GOLIM4: variants seen among roughly 807,000 people sequenced by gnomAD.
The protein encoded by GOLIM4 is 130 kDa golgi-localized phosphoprotein.
GOLIM4 carries 71 observed loss-of-function variants against 107.4 expected under a neutral mutation model. The observed-to-expected ratio is 0.66, with a 90% CI of 0.55 to 0.81. The LOEUF (loss-of-function observed/expected upper bound fraction) is 0.81, where lower values mean the gene tolerates loss of function less well. Among genes scored for constraint, GOLIM4 ranks in the 30% least tolerant of loss-of-function variants. The pLI is 0.00. For synonymous variants in GOLIM4, 327 were observed against 294.8 expected (o/e 1.11, Z -1.12); for missense variants, 830 against 826.1 (o/e 1.00, Z -0.06).
intron 1 of GOLIM4, among the ~76,000 whole-genome samples, chr3:168,061,145 CA>C (rs530702459): frequency 0.042 from 5,366 of 126,498 alleles, 146 homozygotes; most frequent in African/African-American, 0.086. Context: ...TTTAGAGAAG[CA>C]AAAAAAAAAA....
At chr3:168,044,182 G>A (rs540570655) in intron 4 of GOLIM4, among the ~76,000 whole-genome samples, 5 of 152,296 alleles carry the variant, frequency 3.3e-5, no homozygotes, top group African/African-American at 1.2e-4. Context: ...AATAAAAAGT[G>A]CATGCCCTAC....
chr3:168,013,626 C>T lies in GOLIM4; in HGVS notation c.1861-2803G>A, dbSNP rs527844767. Among the ~76,000 whole-genome samples the T allele has an allele frequency of 2.0e-4, 30 of 149,072 alleles. No individual in the cohort carries two copies. In the South Asian group the frequency reaches 5.2e-3, roughly 26 times the overall value. On this transcript the variant is annotated intron_variant, in intron 14 of 15. Coordinates refer to ENST00000470487, the MANE Select transcript of GOLIM4 (RefSeq NM_014498.5). The stretch of plus-strand genomic sequence containing the variant: ...CACACCACACCTATTCCAAAATTGA[C>T]CACATACTGGGAAGTAAAGCTCTCC...
chr3:168,009,426 C>CAGACAAAAAAAAAAA lies in GOLIM4; in HGVS notation c.*842_*843insTTTTTTTTTTTGTCT, dbSNP rs201375757. ...AAACAAGAATATCAATCAATGGCTT[C>CAGACAAAAAAAAAAA]AAACAAAAAAAAAAAAAAAAAATTG... On this transcript the variant is annotated 3_prime_UTR_variant, in exon 16 of 16. Transcript: ENST00000470487. 4 of 8,740 alleles carry CAGACAAAAAAAAAAA rather than the reference C, an allele frequency of 4.6e-4. No individual in the cohort carries two copies. The highest frequency in any genetic ancestry group is 6.1e-4 in the African/African-American group (4 of 6,564). The allele number at this position is 8,740 out of a possible 1,614,324, so 0.5% of individuals were successfully genotyped here. A position where few individuals can be genotyped will look rare whatever the true frequency, so the allele number is the denominator to read the frequency against.
chr3:168,018,730 A>C (rs768292226), intron 14 of GOLIM4, among the ~76,000 whole-genome samples: 8 of 152,180 alleles, frequency 5.3e-5, no homozygotes, highest in Non-Finnish European at 8.8e-5. Flanking sequence ...AAATTGCTGA[A>C]GTGTCCCTGT....
intron 9 of GOLIM4, among the ~76,000 whole-genome samples, chr3:168,031,629 G>T (rs1417526615): frequency 6.6e-6 from 1 of 152,166 alleles, no homozygotes; most frequent in Non-Finnish European, 1.5e-5. Context: ...ATTGGGGAAG[G>T]ACACAAGACT....
At chr3:168,091,210 T>C (rs1228674381) in intron 1 of GOLIM4, among the ~76,000 whole-genome samples, 2 of 152,236 alleles carry the variant, frequency 1.3e-5, no homozygotes, top group African/African-American at 4.8e-5. Flanking sequence ...CATATTCATC[T>C]GGAATAGGAA....
At chr3:168,031,242 G>A (rs569280485) in intron 9 of GOLIM4, among the ~76,000 whole-genome samples, 14 of 152,164 alleles carry the variant, frequency 9.2e-5, no homozygotes, top group African/African-American at 3.4e-4. Context: ...TTAGAGAGAA[G>A]GAATAAGACC....
intron 1 of GOLIM4, among the ~76,000 whole-genome samples, chr3:168,088,982 T>C (rs1721761649): frequency 6.6e-6 from 1 of 152,218 alleles, no homozygotes; most frequent in African/African-American, 2.4e-5. Context: ...ACACCAGTAC[T>C]CTCATTAGAG....
intron 1 of GOLIM4, among the ~76,000 whole-genome samples, chr3:168,075,649 G>C (rs1177445167): frequency 6.6e-6 from 1 of 151,992 alleles, no homozygotes. Context: ...TTCCTACTCT[G>C]GAAATATTCT....
intron 1 of GOLIM4, among the ~76,000 whole-genome samples, chr3:168,055,525 G>A (rs927281068): frequency 1.6e-4 from 25 of 152,162 alleles, no homozygotes; most frequent in African/African-American, 5.3e-4. Flanking sequence ...AGGGCCGGGC[G>A]CGGTGGCTCA....
chr3:168,062,582 A>C (rs891562240), intron 1 of GOLIM4, among the ~76,000 whole-genome samples: 2 of 152,182 alleles, frequency 1.3e-5, no homozygotes, highest in Non-Finnish European at 2.9e-5. Flanking sequence ...ATGTGGGGCT[A>C]ATGTGTCTTC....
intron 1 of GOLIM4, among the ~76,000 whole-genome samples, chr3:168,070,087 T>G (rs1026317512): frequency 1.3e-5 from 2 of 152,156 alleles, no homozygotes; most frequent in Non-Finnish European, 2.9e-5. Flanking sequence ...CCAAAGGTCA[T>G]CCAGGTATTT....
chr3:168,089,902 G>C (rs913376148), intron 1 of GOLIM4, among the ~76,000 whole-genome samples: 20 of 151,922 alleles, frequency 1.3e-4, no homozygotes, highest in African/African-American at 4.6e-4. Flanking sequence ...TGAGTAGCTG[G>C]GATTATAAGC....
chr3:168,066,561 T>C (rs1252130851), intron 1 of GOLIM4, among the ~76,000 whole-genome samples: 3 of 152,164 alleles, frequency 2.0e-5, no homozygotes, highest in South Asian at 2.1e-4. Context: ...CCTGTCACTA[T>C]GAGGTAAAGT....
chr3:168,038,915 G>A (rs1278468879), intron 7 of GOLIM4, among the ~76,000 whole-genome samples: 2 of 152,176 alleles, frequency 1.3e-5, no homozygotes, highest in African/African-American at 4.8e-5. Context: ...CTTGCAAAGG[G>A]ATCCAGGAGA....
Position 168,025,053 on chromosome 3 carries a change from TA to T in GOLIM4, c.1665del (p.Asn555LysfsTer14), listed in dbSNP as rs1356038882. The T allele has an allele frequency of 1.9e-6, 3 of 1,614,006 alleles. No homozygotes were observed. The highest frequency in any genetic ancestry group is 3.3e-5 in the Admixed American group (2 of 60,024). On this transcript the variant is annotated frameshift_variant, in exon 13 of 16. Coordinates refer to ENST00000470487, the MANE Select transcript of GOLIM4 (RefSeq NM_014498.5). LOFTEE classifies it high-confidence loss of function. ...VEDINPADDPNNQGEDEFEEA... is the reference protein window; with the variant it reads ...VEDINPADDPXNQGEDEFEEA... ...TCTTCAAATTCATCCTCACCTTGAT[TA>T]TTAGGGTCATCTGCTGGGTTTATAT...
intron 1 of GOLIM4, among the ~76,000 whole-genome samples, chr3:168,064,845 C>T (rs773531103): frequency 3.3e-5 from 5 of 151,864 alleles, no homozygotes; most frequent in Admixed American, 2.6e-4. Context: ...TTTGATGATA[C>T]ATATAAGTAT....
chr3:168,047,047 T>C, intron 2 of GOLIM4, 48 bp from the exon 3 acceptor site: 1 of 867,706 alleles, frequency 1.2e-6, no homozygotes, highest in Non-Finnish European at 1.8e-6. Context: ...ACTACACAGA[T>C]TTTAAACATC....
At chr3:168,094,639 GCA>G (rs1045823605) in intron 1 of GOLIM4, among the ~76,000 whole-genome samples, 1 of 152,210 alleles carries the variant, frequency 6.6e-6, no homozygotes, top group Non-Finnish European at 1.5e-5. Context: ...TTGAAAAACA[GCA>G]CAGTTTGAGA....
Sources: gnomAD v4.1 joint callset for allele counts (sites outside exome capture counted in the v4.1 genomes callset) on GRCh38, gnomAD v4.1.1 for gene constraint, MANE v1.5 for transcripts, NCBI Gene and HGNC (gene_info 2026-07-23, HGNC 2026-07-21) for gene names.